DTNB: variants seen among roughly 807,000 people sequenced by gnomAD.
DTNB encodes the protein dystrobrevin beta.
A neutral mutation model predicts 90.7 loss-of-function variants in DTNB; 63 were observed. The ratio of observed to expected loss-of-function variants is 0.69; its 90% CI spans 0.57 to 0.86. The LOEUF (loss-of-function observed/expected upper bound fraction) is 0.86. DTNB is among the 40% of genes least tolerant of loss of function. The probability of loss-of-function intolerance (pLI) is 0.00; values close to 1 mark genes in which losing one functional copy is unlikely to be tolerated. For missense variants in DTNB, 744 were observed against 807.1 expected (o/e 0.92, Z 0.95); for synonymous variants, 277 against 286.7 (o/e 0.97, Z 0.34).
At chr2:25,553,163 G>A (rs915414918) in intron 8 of DTNB, among the ~76,000 whole-genome samples, 1 of 151,824 alleles carries the variant, frequency 6.6e-6, no homozygotes, top group Non-Finnish European at 1.5e-5. Context: ...ATGTTGCCCA[G>A]GCTGGTCTCA....
At chr2:25,390,694 G>A (rs538819817) in intron 16 of DTNB, among the ~76,000 whole-genome samples, 1 of 151,972 alleles carries the variant, frequency 6.6e-6, no homozygotes, top group Non-Finnish European at 1.5e-5. Context: ...TGATCCACCC[G>A]CCTCGGCCTC....
chr2:25,525,639 A>C (rs1470053504), intron 9 of DTNB, among the ~76,000 whole-genome samples: 2 of 152,152 alleles, frequency 1.3e-5, no homozygotes, highest in Non-Finnish European at 2.9e-5. Context: ...TCCGTCTCAA[A>C]AAAAAAAGAA....
At chr2:25,623,597 T>C (rs2073357472) in intron 4 of DTNB, among the ~76,000 whole-genome samples, 1 of 152,162 alleles carries the variant, frequency 6.6e-6, no homozygotes, top group South Asian at 2.1e-4. Flanking sequence ...TCCTGGATTG[T>C]TAAGGTCTCC....
intron 10 of DTNB, among the ~76,000 whole-genome samples, chr2:25,479,775 G>C (rs768242828): frequency 5.3e-5 from 8 of 152,200 alleles, no homozygotes; most frequent in Non-Finnish European, 1.0e-4. Context: ...GTAGGAACTA[G>C]AGCACTTAAA....
chr2:25,620,886 C>T (rs1468493276), intron 4 of DTNB, among the ~76,000 whole-genome samples: 1 of 152,138 alleles, frequency 6.6e-6, no homozygotes, highest in African/African-American at 2.4e-5. Context: ...AATAGCCAGG[C>T]ATGATGGCAC....
intron 9 of DTNB, among the ~76,000 whole-genome samples, chr2:25,493,186 A>G (rs1192187209): frequency 1.3e-5 from 2 of 152,200 alleles, no homozygotes; most frequent in African/African-American, 4.8e-5. Context: ...GAAAGGGGGA[A>G]AGAATTTATT....
At chr2:25,436,207 C>T (rs556364795) in intron 12 of DTNB, among the ~76,000 whole-genome samples, 2 of 152,012 alleles carry the variant, frequency 1.3e-5, no homozygotes, top group South Asian at 2.1e-4. Flanking sequence ...TGGTGGTGGG[C>T]GCCTGTAATC....
At chr2:25,599,639 C>T (rs2065421443) in intron 5 of DTNB, among the ~76,000 whole-genome samples, 1 of 152,044 alleles carries the variant, frequency 6.6e-6, no homozygotes, top group African/African-American at 2.4e-5. Flanking sequence ...GTGTCTGGCC[C>T]AAACTAGCAA....
chr2:25,639,522 A>G (rs888863131), intron 2 of DTNB, among the ~76,000 whole-genome samples: 1 of 152,036 alleles, frequency 6.6e-6, no homozygotes. Context: ...CTCTGCACAT[A>G]AGTGTCCTCA....
intron 1 of DTNB, among the ~76,000 whole-genome samples, chr2:25,666,052 G>C (rs1310328813): frequency 6.6e-6 from 1 of 152,198 alleles, no homozygotes; most frequent in Non-Finnish European, 1.5e-5. Context: ...CAAATATAGT[G>C]AAGTTACGAT....
At chr2:25,611,963 T>A (rs78045023) in intron 4 of DTNB, among the ~76,000 whole-genome samples, 6 of 152,158 alleles carry the variant, frequency 3.9e-5, no homozygotes, top group African/African-American at 1.4e-4. Flanking sequence ...CTATACCAAG[T>A]AGGCCCTTTA....
Position 25,500,027 on chromosome 2 carries a change from C to T in DTNB, c.1002-17154G>A, listed in dbSNP as rs999579843. 5.9e-5 allele frequency among the ~76,000 whole-genome samples: 9 copies of T among 152,282 alleles called. No individual in the cohort carries two copies. In the East Asian group the frequency reaches 1.2e-3, roughly 20 times the overall value. ...CCTCTTGCCTCAGCCTCCCAAGTAA[C>T]TTGGATTACAGGTGCACCACCATAT... On this transcript the variant is annotated intron_variant, in intron 9 of 20. Transcript: ENST00000406818.
chr2:25,567,885 G>A (rs189140767), intron 8 of DTNB, among the ~76,000 whole-genome samples: 2 of 152,332 alleles, frequency 1.3e-5, no homozygotes, highest in Admixed American at 1.3e-4. Context: ...TGAAGGCTGG[G>A]CGCGGTGGCT....
chr2:25,421,742 C>T (rs1289315816), intron 15 of DTNB, among the ~76,000 whole-genome samples: 1 of 152,212 alleles, frequency 6.6e-6, no homozygotes, highest in Non-Finnish European at 1.5e-5. Context: ...CCACAGTTTT[C>T]TCCAGGTTTG....
At chr2:25,462,975 T>C (rs1369396015) in intron 10 of DTNB, among the ~76,000 whole-genome samples, 2 of 152,066 alleles carry the variant, frequency 1.3e-5, no homozygotes, top group Non-Finnish European at 2.9e-5. Flanking sequence ...AGTGCTGGGA[T>C]TACAGGCGTG....
intron 5 of DTNB, among the ~76,000 whole-genome samples, chr2:25,602,670 C>CT (rs1473624043): frequency 6.6e-6 from 1 of 152,164 alleles, no homozygotes; most frequent in African/African-American, 2.4e-5. Context: ...TTTTCTCTGA[C>CT]TGCTGATAGT....
At chr2:25,458,469 C>A (rs775189055) in intron 10 of DTNB, among the ~76,000 whole-genome samples, 3 of 151,230 alleles carry the variant, frequency 2.0e-5, no homozygotes, top group Non-Finnish European at 2.9e-5. Flanking sequence ...TTTCCTGGTA[C>A]GTAACATGTC....
intron 9 of DTNB, among the ~76,000 whole-genome samples, chr2:25,531,135 T>G (rs1326413976): frequency 1.3e-5 from 2 of 152,218 alleles, no homozygotes; most frequent in Non-Finnish European, 2.9e-5. Flanking sequence ...GCATTACTGC[T>G]ATAGAGAAAA....
At chr2:25,482,899 A>G in intron 9 of DTNB, 26 bp from the exon 10 acceptor site, 1 of 1,582,012 alleles carries the variant, frequency 6.3e-7, no homozygotes, top group Non-Finnish European at 8.6e-7. Context: ...TTTACCTTAT[A>G]TTAATAATGA....
Sources: gnomAD v4.1 joint callset for allele counts (sites outside exome capture counted in the v4.1 genomes callset) on GRCh38, gnomAD v4.1.1 for gene constraint, MANE v1.5 for transcripts, NCBI Gene and HGNC (gene_info 2026-07-23, HGNC 2026-07-21) for gene names.